The following C19orf47 variants were observed in gnomAD, a reference collection of about 807,000 sequenced individuals.
C19orf47 encodes chromosome 19 open reading frame 47.
C19orf47 carries 18 observed loss-of-function variants against 32.3 expected under a neutral mutation model. The observed-to-expected ratio is 0.56, with a 90% confidence interval of 0.39 to 0.83. The LOEUF (loss-of-function observed/expected upper bound fraction) is 0.83, where lower values mean the gene tolerates loss of function less well. Ranked by LOEUF, C19orf47 falls within the 40% of genes least tolerant of loss-of-function variation. The pLI is 0.00. For missense variants in C19orf47, 484 were observed against 531.6 expected (o/e 0.91, Z 0.88); for synonymous variants, 202 against 211.1 (o/e 0.96, Z 0.37).
At chr19:40,316,400 A>T (rs556830648), downstream of C19orf47, among the ~76,000 whole-genome samples, 73 of 152,344 alleles carry the variant, frequency 4.8e-4, 1 homozygote, top group Admixed American at 4.7e-3. Flanking sequence ...TCTGCCATTC[A>T]GCATGAGCCC....
the C19orf47 span, among the ~76,000 whole-genome samples, chr19:40,309,286 G>C: frequency 6.6e-6 from 1 of 150,944 alleles, no homozygotes; most frequent in Non-Finnish European, 1.5e-5. Flanking sequence ...CCAACTCCCA[G>C]GTTCAAGCGA....
Position 40,328,408 on chromosome 19 carries a change from C to T in C19orf47, c.439+5G>A, listed in dbSNP as rs1481085154. Reference sequence around the variant, plus strand: ...TCCTCCTACCACCTGCCCATGTTCCCTCACCAGTGGCCTTGGCACTCTTTG... The same window carrying T: ...TCCTCCTACCACCTGCCCATGTTCCTTCACCAGTGGCCTTGGCACTCTTTG... On this transcript the variant is annotated splice_donor_5th_base_variant and intron_variant, in intron 6 of 8. Coordinates refer to ENST00000683109, the MANE Select transcript of C19orf47 (RefSeq NM_001256441.2). 10 of 1,612,334 alleles carry T rather than the reference C, an allele frequency of 6.2e-6. No individual in the cohort carries two copies. The African/African-American group carries it at 8.0e-5, about 13-fold the overall frequency.
At chr19:40,348,468 G>A (rs764866409), upstream of C19orf47, 2 of 1,498,842 alleles carry the variant, frequency 1.3e-6, no homozygotes. Context: ...GTCCGCGGCC[G>A]CTCTACCCCA....
the C19orf47 span, among the ~76,000 whole-genome samples, chr19:40,303,729 G>T: frequency 6.7e-6 from 1 of 149,332 alleles, no homozygotes; most frequent in Non-Finnish European, 1.5e-5. Context: ...GCTTGAACCT[G>T]GCAGACAGAG....
At chr19:40,335,996 A>G in intron 4 of C19orf47, 114 bp downstream of exon 4, 1 of 848,280 alleles carries the variant, frequency 1.2e-6, no homozygotes, top group African/African-American at 1.7e-5. Context: ...TGGCTGAACC[A>G]GCCCTGGAAC....
the C19orf47 span, among the ~76,000 whole-genome samples, chr19:40,312,961 T>C: frequency 1.3e-5 from 2 of 152,250 alleles, no homozygotes; most frequent in Non-Finnish European, 2.9e-5. Flanking sequence ...TTTCCACATT[T>C]ATGCTATTAC....
downstream of C19orf47, among the ~76,000 whole-genome samples, chr19:40,315,398 C>T (rs774969797): frequency 4.6e-5 from 7 of 152,128 alleles, no homozygotes; most frequent in Non-Finnish European, 1.5e-5. Flanking sequence ...GTAATCCCAA[C>T]ATTTTGGGAG....
chr19:40,310,448 T>C, the C19orf47 span, among the ~76,000 whole-genome samples: 2 of 152,156 alleles, frequency 1.3e-5, no homozygotes. Context: ...CCCGCTAATT[T>C]TTGTATCTTT....
chr19:40,341,595 G>C (rs2078178509), intron 2 of C19orf47, among the ~76,000 whole-genome samples: 4 of 152,114 alleles, frequency 2.6e-5, no homozygotes, highest in Admixed American at 2.6e-4. Flanking sequence ...GGCCACGTGG[G>C]AGACCTGCTG....
chr19:40,305,942 A>G, the C19orf47 span, among the ~76,000 whole-genome samples: 1 of 152,070 alleles, frequency 6.6e-6, no homozygotes, highest in Non-Finnish European at 1.5e-5. Flanking sequence ...TGAGGTCAGG[A>G]GTTCAAAGAC....
the C19orf47 span, among the ~76,000 whole-genome samples, chr19:40,295,316 G>A: frequency 4.6e-5 from 7 of 151,982 alleles, no homozygotes; most frequent in South Asian, 2.1e-4. Flanking sequence ...CACCGTGCCC[G>A]GCCTAAACAG....
the C19orf47 span, among the ~76,000 whole-genome samples, chr19:40,304,475 G>T: frequency 7.6e-4 from 116 of 152,264 alleles, 1 homozygote; most frequent in Non-Finnish European, 7.1e-4. Flanking sequence ...ACCACGCCCA[G>T]ATCTATTCTT....
chr19:40,325,728 A>T (rs2145531039), intron 7 of C19orf47, among the ~76,000 whole-genome samples: 1 of 152,344 alleles, frequency 6.6e-6, no homozygotes, highest in South Asian at 2.1e-4. Context: ...AGACGGGGAT[A>T]TGGGAGTGAG....
chr19:40,318,313 C>T (rs2077676937), downstream of C19orf47, among the ~76,000 whole-genome samples: 1 of 152,178 alleles, frequency 6.6e-6, no homozygotes, highest in Non-Finnish European at 1.5e-5. Context: ...GGGTCAAACT[C>T]AGTCCTGCCA....
chr19:40,327,036 G>C (rs961894793), intron 6 of C19orf47, among the ~76,000 whole-genome samples: 2 of 96,638 alleles, frequency 2.1e-5, no homozygotes, highest in African/African-American at 8.4e-5. Flanking sequence ...TTTTGAGACT[G>C]AGTTTTTGTT....
At chr19:40,339,305 T>G (rs993308892) in intron 2 of C19orf47, 4 of 152,332 alleles carry the variant, frequency 2.6e-5, no homozygotes, top group Admixed American at 6.5e-5. Flanking sequence ...CATAAGGCAC[T>G]GGCTGTAAGA....
chr19:40,324,182 G>T lies in C19orf47; in HGVS notation c.593-106C>A. The T allele has an allele frequency of 7.3e-6, 8 of 1,091,054 alleles. No individual in the cohort carries two copies. In the East Asian group the frequency reaches 1.2e-4, roughly 16 times the overall value. The allele number at this position is 1,091,054 out of a possible 1,614,324, so 67.6% of individuals were successfully genotyped here. A position where few individuals can be genotyped will look rare whatever the true frequency, so the allele number is the denominator to read the frequency against. ...CCAGACACCAGTAGCTCTGGGACAG[G>T]CAGGGCCAGACTGTGCTGAGTTGGG... On this transcript the variant is annotated intron_variant, in intron 7 of 8. Coordinates refer to ENST00000683109, the MANE Select transcript of C19orf47 (RefSeq NM_001256441.2).
intron 1 of C19orf47, among the ~76,000 whole-genome samples, chr19:40,347,594 GA>G (rs1568634447): frequency 1.3e-5 from 2 of 151,820 alleles, no homozygotes; most frequent in East Asian, 1.9e-4. Context: ...ACTTACTGGG[GA>G]AAAAAATGCA....
At chr19:40,342,010 AG>A (rs1280159325) in intron 1 of C19orf47, 120 bp from the exon 2 acceptor site, 1 of 1,501,352 alleles carries the variant, frequency 6.7e-7, no homozygotes, top group East Asian at 2.5e-5. Context: ...CTCACCGCCC[AG>A]GAATAGCCTG....
Sources: allele counts gnomAD v4.1 joint callset (sites outside exome capture counted in the v4.1 genomes callset), GRCh38; gene constraint gnomAD v4.1.1; transcripts MANE v1.5; gene names NCBI Gene and HGNC (gene_info 2026-07-23, HGNC 2026-07-21).